The following SGCG variants were observed in gnomAD, a reference collection of about 807,000 sequenced individuals.
SGCG encodes the protein sarcoglycan gamma.
In SGCG, 26 loss-of-function variants were observed where a neutral mutation model predicts 29.3. The observed-to-expected ratio is 0.89, with a 90% CI of 0.65 to 1.23. The LOEUF is 1.23. Ranked by LOEUF, SGCG falls within the 50% of genes most tolerant of loss-of-function variation. The probability of loss-of-function intolerance (pLI) is 0.00; values close to 1 mark genes in which losing one functional copy is unlikely to be tolerated. For synonymous variants in SGCG, 145 were observed against 129.7 expected (o/e 1.12, Z -0.80); for missense variants, 353 against 356.0 (o/e 0.99, Z 0.07).
chr13:23,314,382 TTATATA>T lies in SGCG; in HGVS notation c.579-6234_579-6229del, dbSNP rs201480793. ...TAAATGAAATGATGTCTGCTATAGG[TTATATA>T]TATATATATATATATATATAATCTT... On this transcript the variant is annotated intron_variant, in intron 6 of 7. Transcript: ENST00000218867. Among the ~76,000 whole-genome samples the T allele has an allele frequency of 1.7e-3, 134 of 78,588 alleles. 5 individuals carry two copies. In the Middle Eastern group the frequency reaches 0.029, roughly 17 times the overall value. The allele number at this position is 78,588 out of a possible 152,430, so 51.6% of individuals were successfully genotyped here. A position where few individuals can be genotyped will look rare whatever the true frequency, so the allele number is the denominator to read the frequency against.
At chr13:23,308,224 C>G (rs74038069) in intron 6 of SGCG, among the ~76,000 whole-genome samples, 5,742 of 152,232 alleles carry the variant, frequency 0.038, 381 homozygotes, top group African/African-American at 0.13. Context: ...GGAATGAGTT[C>G]TTTCAAAAAC....
intron 4 of SGCG, among the ~76,000 whole-genome samples, chr13:23,273,132 C>T (rs1348241183): frequency 2.0e-5 from 3 of 150,112 alleles, no homozygotes. Context: ...CTTGTGCTTT[C>T]TTTTGACTCA....
chr13:23,256,392 T>A (rs984672108), intron 4 of SGCG, among the ~76,000 whole-genome samples: 1 of 152,142 alleles, frequency 6.6e-6, no homozygotes, highest in South Asian at 2.1e-4. Context: ...AACTTTTTTT[T>A]ATATACTTTA....
chr13:23,212,121 A>T (rs1878247672), intron 2 of SGCG, among the ~76,000 whole-genome samples: 1 of 152,074 alleles, frequency 6.6e-6, no homozygotes, highest in African/African-American at 2.4e-5. Context: ...CATGATTATA[A>T]GTTTCTTGAG....
At chr13:23,238,502 A>T (rs1388457577) in intron 3 of SGCG, among the ~76,000 whole-genome samples, 5 of 152,140 alleles carry the variant, frequency 3.3e-5, no homozygotes, top group Non-Finnish European at 2.9e-5. Context: ...AGAGTGGAAA[A>T]CTTCATAAAT....
intron 2 of SGCG, among the ~76,000 whole-genome samples, chr13:23,206,356 A>C (rs1877979505): frequency 6.6e-6 from 1 of 151,830 alleles, no homozygotes; most frequent in African/African-American, 2.4e-5. Flanking sequence ...CCACCATTCC[A>C]CTCTTTGTTC....
chr13:23,166,750 A>G, the SGCG span, among the ~76,000 whole-genome samples: 1 of 152,146 alleles, frequency 6.6e-6, no homozygotes, highest in African/African-American at 2.4e-5. Flanking sequence ...CTCGTGTGTC[A>G]TCACAGAAAA....
intron 2 of SGCG, among the ~76,000 whole-genome samples, chr13:23,232,408 G>A (rs116158742): frequency 0.011 from 1,632 of 152,244 alleles, 29 homozygotes; most frequent in African/African-American, 0.036. Flanking sequence ...CTGTCACAAC[G>A]TAAAATGTCC....
chr13:23,273,335 C>A (rs1415582210), intron 4 of SGCG, among the ~76,000 whole-genome samples: 1 of 152,110 alleles, frequency 6.6e-6, no homozygotes, highest in Non-Finnish European at 1.5e-5. Context: ...CAGGCATGTA[C>A]CATCATGCCC....
At chr13:23,306,318 C>T (rs1212867787) in intron 6 of SGCG, among the ~76,000 whole-genome samples, 1 of 152,166 alleles carries the variant, frequency 6.6e-6, no homozygotes, top group Middle Eastern at 3.4e-3. Flanking sequence ...CCATATGGGC[C>T]TGATGAAATT....
intron 4 of SGCG, among the ~76,000 whole-genome samples, chr13:23,260,809 T>A (rs1398929411): frequency 6.6e-6 from 1 of 151,752 alleles, no homozygotes; most frequent in African/African-American, 2.4e-5. Flanking sequence ...TTATGAAGCT[T>A]AGTTTGAAAT....
rs117430479 is a variant in SGCG, at chr13:23,207,985, T to A, written c.195+4096T>A. 5.5e-4 allele frequency among the ~76,000 whole-genome samples: 83 copies of A among 152,282 alleles called. 1 individual carries two copies. The East Asian group carries it at 0.014, about 27-fold the overall frequency. On this transcript the variant is annotated intron_variant, in intron 2 of 7. Transcript: ENST00000218867. The stretch of plus-strand genomic sequence containing the variant: ...AAGAATGGAAACCAATTTCTTTTTA[T>A]TATTTTCATATATAAACCAATGTAT...
intron 2 of SGCG, among the ~76,000 whole-genome samples, chr13:23,206,753 CTT>C (rs1877995006): frequency 6.6e-6 from 1 of 152,060 alleles, no homozygotes; most frequent in Non-Finnish European, 1.5e-5. Flanking sequence ...TAGAAATAAA[CTT>C]AACTAAGAAG....
chr13:23,183,341 G>A (rs1876823971), intron 1 of SGCG, among the ~76,000 whole-genome samples: 1 of 152,158 alleles, frequency 6.6e-6, no homozygotes, highest in Non-Finnish European at 1.5e-5. Flanking sequence ...GACGGTAACT[G>A]GTCAGGAACT....
In SGCG at chr13:23,278,300, G is replaced by A. The variant is rs546861402; in HGVS notation, c.386-1059G>A. Among the ~76,000 whole-genome samples the A allele has an allele frequency of 3.9e-5, 6 of 152,134 alleles. No individual in the cohort carries two copies. The East Asian group carries it at 7.8e-4, about 20-fold the overall frequency. ...CTCTACTAAAAATACAAAATTAGCC[G>A]AGCGTGGTGGCGCATGCCTGTAATC... On this transcript the variant is annotated intron_variant, in intron 4 of 7. Coordinates refer to ENST00000218867, the MANE Select transcript of SGCG (RefSeq NM_000231.3).
intron 6 of SGCG, among the ~76,000 whole-genome samples, chr13:23,299,411 TATATATATATATA>T (rs1566037296): frequency 0.017 from 565 of 32,850 alleles, 113 homozygotes; most frequent in East Asian, 0.1. Context: ...AGTTGGCATA[TATATATATATATA>T]TATATATATA....
chr13:23,209,282 G>A (rs1003255930), intron 2 of SGCG, among the ~76,000 whole-genome samples: 3 of 152,002 alleles, frequency 2.0e-5, no homozygotes, highest in South Asian at 2.1e-4. Context: ...TCCTTAACAA[G>A]GATTTAAAAT....
chr13:23,253,359 A>C (rs971892291), intron 4 of SGCG, among the ~76,000 whole-genome samples: 3 of 152,166 alleles, frequency 2.0e-5, no homozygotes, highest in African/African-American at 7.2e-5. Flanking sequence ...TTAATTAGTG[A>C]TTTCTAGTAA....
At chr13:23,259,006 C>CTCT (rs1880316298) in intron 4 of SGCG, among the ~76,000 whole-genome samples, 2 of 151,112 alleles carry the variant, frequency 1.3e-5, no homozygotes, top group Non-Finnish European at 3.0e-5. Context: ...GTCTAAAATT[C>CTCT]TGTTTTGTTG....
Sources: gnomAD v4.1 joint callset for allele counts (sites outside exome capture counted in the v4.1 genomes callset) on GRCh38, gnomAD v4.1.1 for gene constraint, MANE v1.5 for transcripts, NCBI Gene and HGNC (gene_info 2026-07-23, HGNC 2026-07-21) for gene names.